GPATCH2L: variants seen among roughly 807,000 people sequenced by gnomAD.
GPATCH2L encodes the protein G-patch domain containing 2 like.
Under a neutral mutation model 57.4 loss-of-function variants are expected in GPATCH2L, and 31 were observed. The ratio of observed to expected loss-of-function variants is 0.54; its 90% confidence interval spans 0.41 to 0.73. The LOEUF is 0.73. Ranked by LOEUF, GPATCH2L falls within the 30% of genes least tolerant of loss-of-function variation. The pLI is 0.00. For missense variants in GPATCH2L, 481 were observed against 599.9 expected, an observed-to-expected ratio of 0.80 and a Z score of 2.07; for synonymous variants, 199 against 210.7, an observed-to-expected ratio of 0.94 and a Z score of 0.48.
intron 5 of GPATCH2L, chr14:76,174,159 A>AGG: frequency 6.5e-6 from 1 of 153,236 alleles, no homozygotes; most frequent in Non-Finnish European, 1.5e-5. Context: ...AGCTCATTTA[A>AGG]TCCTTCCAGC....
intron 3 of GPATCH2L, among the ~76,000 whole-genome samples, chr14:76,168,625 G>T (rs954800016): frequency 7.9e-5 from 12 of 152,178 alleles, no homozygotes; most frequent in Admixed American, 3.3e-4. Context: ...AATGCCAGGT[G>T]ACCAGGCTAG....
At chr14:76,181,097 T>G (rs985001457) in intron 8 of GPATCH2L, among the ~76,000 whole-genome samples, 1 of 152,238 alleles carries the variant, frequency 6.6e-6, no homozygotes, top group African/African-American at 2.4e-5. Context: ...TTTCATTTTA[T>G]TTCTGCTGCT....
At chr14:76,152,630 A>C (rs761387058) in intron 1 of GPATCH2L, 2 of 455,756 alleles carry the variant, frequency 4.4e-6, no homozygotes, top group South Asian at 3.1e-5. Flanking sequence ...CCGCGACTGG[A>C]GATGGGGAGT....
At position 76,210,997 on chromosome 14, in the gene GPATCH2L, A is replaced by C. The variant is rs1488808355; in HGVS notation, c.*9146A>C. 6.6e-6 allele frequency: 1 copy of C among 152,222 alleles called. No individual in the cohort carries two copies. Among genetic ancestry groups the C allele is most frequent in the Non-Finnish European group, 1.5e-5 (1 of 68,036 alleles). The allele number at this position is 152,222 out of a possible 1,614,324, so 9.4% of individuals were successfully genotyped here. A position where few individuals can be genotyped will look rare whatever the true frequency, so the allele number is the denominator to read the frequency against. Reference sequence around the variant, plus strand: ...CAATGTAGAATGAAATAAGAATGACAGGGTATTTTGGCAGCAAGGAGGAGG... The same window carrying C: ...CAATGTAGAATGAAATAAGAATGACCGGGTATTTTGGCAGCAAGGAGGAGG... On this transcript the variant is annotated 3_prime_UTR_variant, in exon 10 of 10. Transcript: ENST00000261530.
At chr14:76,162,814 T>C (rs960061458) in intron 2 of GPATCH2L, among the ~76,000 whole-genome samples, 8 of 152,182 alleles carry the variant, frequency 5.3e-5, no homozygotes, top group African/African-American at 1.7e-4. Context: ...GATACAGCAT[T>C]AAGGAGGAGA....
chr14:76,191,392 T>A (rs1010852980), intron 8 of GPATCH2L, among the ~76,000 whole-genome samples: 6 of 152,082 alleles, frequency 3.9e-5, no homozygotes, highest in African/African-American at 1.4e-4. Flanking sequence ...ACTGGAACTG[T>A]CTTGTCAATA....
intron 6 of GPATCH2L, 90 bp downstream of exon 6, chr14:76,176,780 C>G: frequency 1.2e-6 from 1 of 815,774 alleles, no homozygotes; most frequent in Admixed American, 1.8e-5. Flanking sequence ...AGAAATCAGG[C>G]TTCAGAGTTC....
Position 76,196,965 on chromosome 14 carries a change from C to CT in GPATCH2L, c.1288+1001dup, listed in dbSNP as rs796221540. On this transcript the variant is annotated intron_variant, in intron 9 of 9. Transcript: ENST00000261530. ...CATTACAGGTCTGATGATTATAGTA[C>CT]TTTTTTTTCAGTGCTTTCCACATGG... Among the ~76,000 whole-genome samples, 35 of 152,088 alleles carry CT rather than the reference C, an allele frequency of 2.3e-4. 1 individual carries two copies. Among genetic ancestry groups the CT allele is most frequent in the African/African-American group, 7.7e-4 (32 of 41,492 alleles).
At chr14:76,174,942 C>G (rs1348242401) in intron 5 of GPATCH2L, 1 of 152,166 alleles carries the variant, frequency 6.6e-6, no homozygotes, top group Admixed American at 6.5e-5. Flanking sequence ...GCCTCAAGTT[C>G]AAATCTTGAA....
chr14:76,174,871 G>A (rs1011676329), intron 5 of GPATCH2L: 6 of 152,106 alleles, frequency 3.9e-5, no homozygotes, highest in Non-Finnish European at 7.3e-5. Context: ...CTGACCTCAG[G>A]TGATCCACCC....
intron 2 of GPATCH2L, among the ~76,000 whole-genome samples, chr14:76,163,844 T>A (rs2139603489): frequency 6.6e-6 from 1 of 152,338 alleles, no homozygotes; most frequent in Middle Eastern, 3.4e-3. Context: ...TCATTCTATT[T>A]ACGTAACATT....
At chr14:76,233,636 T>C (rs1451028817) in intron 2 of GPATCH2L, among the ~76,000 whole-genome samples, 1 of 152,192 alleles carries the variant, frequency 6.6e-6, no homozygotes, top group Non-Finnish European at 1.5e-5. Flanking sequence ...CATAATTTTA[T>C]CTTTAATATT....
At chr14:76,201,423 G>T (rs1472438275) in intron 9 of GPATCH2L, among the ~76,000 whole-genome samples, 3 of 152,116 alleles carry the variant, frequency 2.0e-5, no homozygotes, top group African/African-American at 7.2e-5. Context: ...CGTAATAAGT[G>T]ATTTTTACTA....
chr14:76,193,698 C>T (rs1314855843), intron 8 of GPATCH2L, among the ~76,000 whole-genome samples: 3 of 152,154 alleles, frequency 2.0e-5, no homozygotes, highest in Non-Finnish European at 2.9e-5. Flanking sequence ...TCTTCCCCCT[C>T]ACCACTGCTG....
intron 4 of GPATCH2L, among the ~76,000 whole-genome samples, chr14:76,173,132 C>G (rs1323202046): frequency 6.6e-6 from 1 of 152,126 alleles, no homozygotes; most frequent in Non-Finnish European, 1.5e-5. Flanking sequence ...CCGACACGTG[C>G]TATTTTCCCC....
At chr14:76,223,695 T>G (rs1258559397) in intron 1 of GPATCH2L, among the ~76,000 whole-genome samples, 1 of 152,172 alleles carries the variant, frequency 6.6e-6, no homozygotes, top group African/African-American at 2.4e-5. Context: ...GATAAGGGTC[T>G]GATATCCAGA....
rs1342265423 is a variant in GPATCH2L at position 76,169,668 on chromosome 14, A to G, written c.728-2175A>G. Among the ~76,000 whole-genome samples the G allele has an allele frequency of 3.3e-5, 5 of 152,286 alleles. No homozygotes were observed. In the East Asian group the frequency reaches 9.6e-4, roughly 29 times the overall value. On this transcript the variant is annotated intron_variant, in intron 3 of 9. Coordinates refer to ENST00000261530, the MANE Select transcript of GPATCH2L (RefSeq NM_017926.4). ...TTTGTATTATTAAAAATCTTGAATG[A>G]CTGCTTGAGAACCAAAAAAATTCCA...
intron 2 of GPATCH2L, among the ~76,000 whole-genome samples, chr14:76,159,956 C>A (rs959695901): frequency 1.3e-5 from 2 of 152,064 alleles, no homozygotes; most frequent in Non-Finnish European, 1.5e-5. Flanking sequence ...CATGGTGAAA[C>A]CCCGACTCTA....
chr14:76,230,864 C>G (rs544471056), intron 2 of GPATCH2L, among the ~76,000 whole-genome samples: 3 of 152,208 alleles, frequency 2.0e-5, no homozygotes, highest in Non-Finnish European at 4.4e-5. Context: ...TTGTATTACC[C>G]GTTTCATGGT....
Sources: gnomAD v4.1 joint callset for allele counts (sites outside exome capture counted in the v4.1 genomes callset) on GRCh38, gnomAD v4.1.1 for gene constraint, MANE v1.5 for transcripts, NCBI Gene and HGNC (gene_info 2026-07-23, HGNC 2026-07-21) for gene names.